CTNNA3: variants seen among roughly 807,000 people sequenced by gnomAD.
The protein encoded by CTNNA3 is catenin alpha 3.
In CTNNA3, 76 loss-of-function variants were observed where a neutral mutation model predicts 95.7. The ratio of observed to expected loss-of-function variants is 0.79; its 90% CI spans 0.66 to 0.96. The LOEUF (loss-of-function observed/expected upper bound fraction) is 0.96. Ranked by LOEUF, CTNNA3 falls within the 40% of genes least tolerant of loss-of-function variation. The probability of loss-of-function intolerance (pLI) is 0.00; values close to 1 mark genes in which losing one functional copy is unlikely to be tolerated. For synonymous variants in CTNNA3, 431 were observed against 374.4 expected, an observed-to-expected ratio of 1.15 and a Z score of -1.74; for missense variants, 1,191 against 1,089.8, an observed-to-expected ratio of 1.09 and a Z score of -1.31.
chr10:66,186,351 T>G (rs2086346274), intron 13 of CTNNA3, among the ~76,000 whole-genome samples: 1 of 151,870 alleles, frequency 6.6e-6, no homozygotes, highest in South Asian at 2.1e-4. Flanking sequence ...GCTTACAATT[T>G]TAAAGTAAAA....
At chr10:66,659,003 A>C (rs1435271423) in intron 9 of CTNNA3, among the ~76,000 whole-genome samples, 1 of 152,032 alleles carries the variant, frequency 6.6e-6, no homozygotes, top group African/African-American at 2.4e-5. Context: ...TTTTCTTCTC[A>C]GTCATATTCA....
chr10:66,687,959 G>C (rs1000665124), intron 9 of CTNNA3, among the ~76,000 whole-genome samples: 5 of 152,074 alleles, frequency 3.3e-5, no homozygotes, highest in Admixed American at 2.0e-4. Flanking sequence ...TTTTAGATTT[G>C]CTGAGCTTGG....
At chr10:66,925,877 CCATT>C (rs753333645) in intron 7 of CTNNA3, 23 of 350,844 alleles carry the variant, frequency 6.6e-5, no homozygotes, top group African/African-American at 5.0e-4. Flanking sequence ...ATCACGGTGA[CCATT>C]CAGTTCCTAC....
intron 7 of CTNNA3, among the ~76,000 whole-genome samples, chr10:66,822,337 C>T (rs893075944): frequency 3.9e-5 from 6 of 152,006 alleles, no homozygotes; most frequent in African/African-American, 1.4e-4. Context: ...TTAGAACGGG[C>T]CTTCAGAATC....
Position 67,630,855 on chromosome 10 carries a change from T to C in CTNNA3, c.99+16560A>G, listed in dbSNP as rs958551294. Among the ~76,000 whole-genome samples the C allele has an allele frequency of 2.6e-5, 4 of 152,228 alleles. No individual in the cohort carries two copies. The East Asian group carries it at 7.7e-4, about 29-fold the overall frequency. On this transcript the variant is annotated intron_variant, in intron 2 of 17. Transcript: ENST00000433211. ...CATTATAAAGAGTTTGTTATTACTATTATTTTAAGGGATTTTGAGTAAGTC... is the reference window on the plus strand; with the variant it reads ...CATTATAAAGAGTTTGTTATTACTACTATTTTAAGGGATTTTGAGTAAGTC...
intron 1 of CTNNA3, among the ~76,000 whole-genome samples, chr10:67,724,710 TC>T (rs1841199018): frequency 6.6e-6 from 1 of 152,168 alleles, no homozygotes; most frequent in Non-Finnish European, 1.5e-5. Flanking sequence ...CTTCACATAA[TC>T]CTATTTTTTA....
chr10:66,980,106 T>A (rs1850327341), intron 7 of CTNNA3, among the ~76,000 whole-genome samples: 1 of 152,160 alleles, frequency 6.6e-6, no homozygotes, highest in Non-Finnish European at 1.5e-5. Flanking sequence ...TATTTCCTGG[T>A]TACTAATCAA....
At chr10:66,166,287 C>A (rs2085122530) in intron 13 of CTNNA3, among the ~76,000 whole-genome samples, 1 of 151,772 alleles carries the variant, frequency 6.6e-6, no homozygotes. Context: ...GCCTGGCCAA[C>A]ATGGTGAAAC....
intron 12 of CTNNA3, among the ~76,000 whole-genome samples, chr10:66,293,149 A>C (rs896788893): frequency 6.6e-6 from 1 of 152,216 alleles, no homozygotes; most frequent in African/African-American, 2.4e-5. Context: ...AATACTTCTA[A>C]AAATGAAGAA....
intron 13 of CTNNA3, among the ~76,000 whole-genome samples, chr10:66,150,570 C>T (rs1003755259): frequency 3.7e-4 from 56 of 151,766 alleles, no homozygotes; most frequent in African/African-American, 9.4e-4. Flanking sequence ...TACCAGCATA[C>T]GATGTGTAAT....
Position 66,288,450 on chromosome 10 carries a change from A to C in CTNNA3, c.1733-7829T>G, listed in dbSNP as rs898663201. ...AATAGCAATAAATTAATGAATGAATATGTTTAAAATTTTTAACGTGTGCAC... is the reference window on the plus strand; with the variant it reads ...AATAGCAATAAATTAATGAATGAATCTGTTTAAAATTTTTAACGTGTGCAC... On this transcript the variant is annotated intron_variant, in intron 12 of 17. Transcript: ENST00000433211. 7.2e-5 allele frequency among the ~76,000 whole-genome samples: 11 copies of C among 152,128 alleles called. 1 individual carries two copies. The highest frequency in any genetic ancestry group is 2.7e-4 in the African/African-American group (11 of 41,438).
chr10:66,190,525 C>T (rs1018156690), intron 13 of CTNNA3, among the ~76,000 whole-genome samples: 1 of 152,058 alleles, frequency 6.6e-6, no homozygotes, highest in African/African-American at 2.4e-5. Context: ...ATTAATTATG[C>T]TTTCCTCACA....
intron 11 of CTNNA3, among the ~76,000 whole-genome samples, chr10:66,412,135 A>C (rs1389187660): frequency 2.0e-5 from 3 of 152,234 alleles, no homozygotes; most frequent in Admixed American, 6.5e-5. Context: ...AACGTGAGGA[A>C]TGAAAAACAT....
At chr10:67,690,280 T>C (rs1840817146) in intron 1 of CTNNA3, among the ~76,000 whole-genome samples, 1 of 152,092 alleles carries the variant, frequency 6.6e-6, no homozygotes, top group African/African-American at 2.4e-5. Context: ...ACCCTCACGG[T>C]GAGTGTTACA....
intron 5 of CTNNA3, among the ~76,000 whole-genome samples, chr10:67,282,126 A>G (rs1421987266): frequency 2.0e-5 from 3 of 152,184 alleles, no homozygotes; most frequent in African/African-American, 4.8e-5. Flanking sequence ...TAAGACTATC[A>G]TAATAAATAT....
intron 10 of CTNNA3, among the ~76,000 whole-genome samples, chr10:66,535,714 G>A (rs1841629347): frequency 6.6e-6 from 1 of 152,140 alleles, no homozygotes; most frequent in African/African-American, 2.4e-5. Flanking sequence ...CCTGTGGTGA[G>A]GGATGGGGAG....
At chr10:66,926,406 C>A in intron 7 of CTNNA3, 1 of 690,424 alleles carries the variant, frequency 1.4e-6, no homozygotes. Flanking sequence ...TTGGAGTGTT[C>A]TGCGTGGCTG....
intron 3 of CTNNA3, among the ~76,000 whole-genome samples, chr10:67,563,463 C>A (rs1441230329): frequency 6.6e-6 from 1 of 152,154 alleles, no homozygotes; most frequent in African/African-American, 2.4e-5. Context: ...AACTGAATCC[C>A]TTCCTTACAC....
At chr10:67,485,008 A>G (rs1221972849) in intron 5 of CTNNA3, among the ~76,000 whole-genome samples, 1 of 152,212 alleles carries the variant, frequency 6.6e-6, no homozygotes, top group Non-Finnish European at 1.5e-5. Context: ...CCAAAAAGAC[A>G]CATGCACTCA....
Sources: gnomAD v4.1 joint callset for allele counts (sites outside exome capture counted in the v4.1 genomes callset) on GRCh38, gnomAD v4.1.1 for gene constraint, MANE v1.5 for transcripts, NCBI Gene and HGNC (gene_info 2026-07-23, HGNC 2026-07-21) for gene names.